Variants in ZNF568 observed in about 807,000 individuals in gnomAD.
ZNF568 encodes the protein p53 inhibitor of SCO2 activation.
A neutral mutation model predicts 18.1 loss-of-function variants in ZNF568; 11 were observed. That is an observed-to-expected ratio of 0.61 (90% CI 0.38 to 1.00). The LOEUF (loss-of-function observed/expected upper bound fraction) is 1.00, where lower values mean the gene tolerates loss of function less well. ZNF568 is among the 50% of genes least tolerant of loss of function. ZNF568 has a pLI of 0.01. For synonymous variants in ZNF568, 213 were observed against 246.6 expected (o/e 0.86, Z 1.28); for missense variants, 639 against 768.2 (o/e 0.83, Z 1.99).
intron 4 of ZNF568, among the ~76,000 whole-genome samples, chr19:36,925,933 A>G (rs1281722639): frequency 6.6e-6 from 1 of 152,174 alleles, no homozygotes; most frequent in Non-Finnish European, 1.5e-5. Flanking sequence ...CCAATTCTAC[A>G]TGGTTTCCTA....
intron 2 of ZNF568, 165 bp from the exon 3 acceptor site, chr19:36,922,421 A>C (rs754977624): frequency 7.8e-5 from 14 of 179,816 alleles, no homozygotes; most frequent in Non-Finnish European, 1.6e-4. Context: ...TCATTTCTGC[A>C]ATATCCTATT....
chr19:36,964,713 G>T (rs1174337877), intron 6 of ZNF568, among the ~76,000 whole-genome samples: 2 of 152,174 alleles, frequency 1.3e-5, no homozygotes, highest in African/African-American at 4.8e-5. Flanking sequence ...CTACTTGGGA[G>T]GCTGAGGTGG....
intron 4 of ZNF568, among the ~76,000 whole-genome samples, chr19:36,935,762 G>T (rs2073780052): frequency 6.6e-6 from 1 of 151,752 alleles, no homozygotes; most frequent in South Asian, 2.1e-4. Flanking sequence ...ATTCTATTTT[G>T]TCTGATATTA....
At chr19:36,933,924 G>GTTT (rs140279289) in intron 4 of ZNF568, among the ~76,000 whole-genome samples, 3 of 29,930 alleles carry the variant, frequency 1.0e-4, no homozygotes, top group East Asian at 5.0e-4. Flanking sequence ...TTGTTTTTTT[G>GTTT]TTTTTTTTTT....
downstream of ZNF568, chr19:36,997,663 C>T (rs3745770): frequency 5.7e-6 from 7 of 1,231,896 alleles, no homozygotes; most frequent in Admixed American, 2.0e-5. Flanking sequence ...GGCCTTCATT[C>T]GGGCCTCACA....
At chr19:36,965,742 T>C (rs2074189602) in intron 6 of ZNF568, among the ~76,000 whole-genome samples, 1 of 147,330 alleles carries the variant, frequency 6.8e-6, no homozygotes, top group East Asian at 2.0e-4. Flanking sequence ...TGCTCTGTCA[T>C]GCAGGCTGGA....
Position 36,975,681 on chromosome 19 carries a change from C to CTTTTTTTTTTTTTTTTTT in ZNF568, c.405+1219_405+1236dup, listed in dbSNP as rs1193440344. On this transcript the variant is annotated intron_variant, in intron 7 of 7. Transcript: ENST00000427117. ...GCAGGCGTGAGCCACCGCGCCAAGA[C>CTTTTTTTTTTTTTTTTTT]TTTTTTTTTTTTTTTTTTTTTGAGA... Among the ~76,000 whole-genome samples the CTTTTTTTTTTTTTTTTTT allele has an allele frequency of 6.6e-5, 5 of 75,778 alleles. 1 individual carries two copies. Among genetic ancestry groups the CTTTTTTTTTTTTTTTTTT allele is most frequent in the East Asian group, 3.4e-4 (1 of 2,954 alleles). 49.7% of individuals were successfully genotyped at this position (75,778 alleles called of 152,430 possible). A position where few individuals can be genotyped will look rare whatever the true frequency, so the allele number is the denominator to read the frequency against.
At chr19:36,970,860 T>C (rs2074230256) in intron 6 of ZNF568, among the ~76,000 whole-genome samples, 1 of 152,178 alleles carries the variant, frequency 6.6e-6, no homozygotes, top group African/African-American at 2.4e-5. Context: ...TTCTACTTCT[T>C]AGTAGAAATC....
At chr19:36,931,288 C>T (rs148471423) in intron 4 of ZNF568, among the ~76,000 whole-genome samples, 1 of 152,292 alleles carries the variant, frequency 6.6e-6, no homozygotes, top group African/African-American at 2.4e-5. Flanking sequence ...AGGGCTCAGA[C>T]AAGGCCCACA....
rs771033410 is a variant in ZNF568 at position 36,996,881 on chromosome 19, G to A, written c.794G>A (p.Cys265Tyr). The A allele has an allele frequency of 2.9e-4, 444 of 1,539,192 alleles. 1 individual carries two copies. Among genetic ancestry groups the A allele is most frequent in the Non-Finnish European group, 3.7e-4 (420 of 1,148,212 alleles). The change falls in exon 5 of 5, where the codon TGT becomes TAT. Residue 265 changes from cysteine to tyrosine, a missense_variant. Cys to Tyr is a radical substitution (Grantham distance 194, BLOSUM62 -2). Transcript: ENST00000433993. Reference sequence around the variant, plus strand: ...CATCTTGGTGAGAAACCCTATAAGTGTAGGGAGTGTGGGAAAGCCTTTCCA... The same window carrying A: ...CATCTTGGTGAGAAACCCTATAAGTATAGGGAGTGTGGGAAAGCCTTTCCA...
In ZNF568 at chr19:36,950,518, C is replaced by G; in HGVS notation, c.1365C>G (p.Phe455Leu). 1 of 1,613,842 alleles carries G rather than the reference C, an allele frequency of 6.2e-7. No homozygotes were observed. Among genetic ancestry groups the G allele is most frequent in the Non-Finnish European group, 8.5e-7 (1 of 1,179,940 alleles). ...PYECKECGKA[F>L]SRKENLITHQ... ...AATGTAAGGAATGTGGAAAAGCCTT[C>G]AGCAGGAAAGAAAATCTCATTACAC... The change falls in exon 7 of 7, where the codon TTC becomes TTG. Residue 455 changes from phenylalanine (F) to leucine (L), a missense_variant. Transcript: ENST00000333987.
intron 6 of ZNF568, among the ~76,000 whole-genome samples, chr19:36,971,633 C>T (rs886781860): frequency 1.5e-4 from 23 of 152,032 alleles, no homozygotes; most frequent in Non-Finnish European, 3.1e-4. Flanking sequence ...GACGCAGTCT[C>T]GCTCTATCGC....
chr19:36,917,786 T>C (rs1257297069), intron 2 of ZNF568, 138 bp downstream of exon 2: 1 of 152,216 alleles, frequency 6.6e-6, no homozygotes, highest in Non-Finnish European at 1.5e-5. Flanking sequence ...CCTTATCCCT[T>C]TTTCTCCCCT....
chr19:36,958,161 T>C (rs1293838301), intron 6 of ZNF568, among the ~76,000 whole-genome samples: 1 of 152,206 alleles, frequency 6.6e-6, no homozygotes. Flanking sequence ...TTATATATTA[T>C]TGGATTTGAT....
intron 4 of ZNF568, among the ~76,000 whole-genome samples, chr19:36,995,376 G>A (rs1006467252): frequency 6.6e-6 from 1 of 152,146 alleles, no homozygotes; most frequent in African/African-American, 2.4e-5. Context: ...TCCAGCCTGG[G>A]TGCCAGAGTG....
chr19:36,991,334 C>T (rs2074422886), intron 3 of ZNF568: 2 of 1,491,954 alleles, frequency 1.3e-6, no homozygotes, highest in Non-Finnish European at 1.8e-6. Context: ...ACCCCCTGCC[C>T]CGCCAAACAC....
intron 2 of ZNF568, among the ~76,000 whole-genome samples, chr19:36,985,766 G>A (rs562231883): frequency 1.2e-4 from 18 of 152,180 alleles, no homozygotes; most frequent in Non-Finnish European, 2.5e-4. Flanking sequence ...CAAGTGATCC[G>A]CCCACTTTGG....
chr19:36,957,613 G>A (rs1016536695), downstream of ZNF568, among the ~76,000 whole-genome samples: 1 of 152,182 alleles, frequency 6.6e-6, no homozygotes, highest in Non-Finnish European at 1.5e-5. Flanking sequence ...GTATAAACAG[G>A]AGGCTAAAGG....
intron 6 of ZNF568, among the ~76,000 whole-genome samples, chr19:36,974,014 A>G (rs1006392053): frequency 6.6e-5 from 10 of 152,074 alleles, no homozygotes; most frequent in South Asian, 2.1e-4. Flanking sequence ...AGTCCCTGCT[A>G]TATCCACTTC....
Sources: allele counts gnomAD v4.1 joint callset (sites outside exome capture counted in the v4.1 genomes callset), GRCh38; gene constraint gnomAD v4.1.1; transcripts MANE v1.5; gene names NCBI Gene and HGNC (gene_info 2026-07-23, HGNC 2026-07-21).